FHIP1A: variants seen among roughly 807,000 people sequenced by gnomAD.
FHIP1A encodes FHF complex subunit HOOK interacting protein 1A, also known as FHF complex subunit HOOK-interacting protein 1A.
Under a neutral mutation model 88.6 loss-of-function variants are expected in FHIP1A, and 61 were observed. The observed-to-expected ratio is 0.69, with a 90% CI of 0.56 to 0.85. FHIP1A has a LOEUF of 0.85. Ranked by LOEUF, FHIP1A falls within the 40% of genes least tolerant of loss-of-function variation. The pLI is 0.00. For missense variants in FHIP1A, 1,154 were observed against 1,273.5 expected, an observed-to-expected ratio of 0.91 and a Z score of 1.43; for synonymous variants, 478 against 496.0, an observed-to-expected ratio of 0.96 and a Z score of 0.48.
intron 1 of FHIP1A, among the ~76,000 whole-genome samples, chr4:151,434,427 A>G (rs899313379): frequency 6.6e-6 from 1 of 152,170 alleles, no homozygotes; most frequent in African/African-American, 2.4e-5. Context: ...TTTCTTTTCT[A>G]TGAAACTTTT....
chr4:151,601,697 G>A (rs1052846669), intron 7 of FHIP1A, among the ~76,000 whole-genome samples: 4 of 151,288 alleles, frequency 2.6e-5, no homozygotes, highest in African/African-American at 9.7e-5. Context: ...GGTGTGCAGT[G>A]GAAGAGCATT....
Position 151,447,083 on chromosome 4 carries a change from G to A in FHIP1A, c.-355-7618G>A, listed in dbSNP as rs376641632. On this transcript the variant is annotated intron_variant, in intron 1 of 13. Transcript: ENST00000435205. ...ACCTAAGGGATATTTTCTGTTAAGT[G>A]GTGATATTTCTATGGGTAAAAACTT... 1.1e-4 allele frequency among the ~76,000 whole-genome samples: 17 copies of A among 152,274 alleles called. No homozygotes were observed. The East Asian group carries it at 2.1e-3, about 19-fold the overall frequency.
chr4:151,561,438 A>G (rs1192084203), intron 3 of FHIP1A, among the ~76,000 whole-genome samples: 1 of 152,172 alleles, frequency 6.6e-6, no homozygotes, highest in South Asian at 2.1e-4. Flanking sequence ...AGAAGATTAG[A>G]GCACAGGGAG....
At chr4:151,505,673 A>T (rs1226096437) in intron 3 of FHIP1A, among the ~76,000 whole-genome samples, 1 of 152,214 alleles carries the variant, frequency 6.6e-6, no homozygotes, top group East Asian at 1.9e-4. Flanking sequence ...CTTTATCAAA[A>T]GCTTAGTTTT....
chr4:151,641,001 A>G (rs1736567166), intron 9 of FHIP1A, among the ~76,000 whole-genome samples: 1 of 152,080 alleles, frequency 6.6e-6, no homozygotes, highest in Non-Finnish European at 1.5e-5. Context: ...GAGGATAAAT[A>G]TACCAGGAAA....
intron 1 of FHIP1A, among the ~76,000 whole-genome samples, chr4:151,430,040 C>G (rs1458918389): frequency 1.3e-5 from 2 of 152,094 alleles, no homozygotes; most frequent in African/African-American, 4.8e-5. Context: ...CATTGGTGGG[C>G]ATTTTTATAA....
chr4:151,613,643 TG>T (rs749246435), intron 7 of FHIP1A, among the ~76,000 whole-genome samples: 11 of 152,228 alleles, frequency 7.2e-5, no homozygotes, highest in Non-Finnish European at 1.5e-4. Context: ...CCTTAGCACC[TG>T]TGTAGTGTAG....
Position 151,656,124 on chromosome 4 carries a change from G to C in FHIP1A, c.2552-108G>C, listed in dbSNP as rs1267227067. On this transcript the variant is annotated intron_variant, in intron 11 of 13. Transcript: ENST00000435205. This position sits in a 1 kb window ranked among gnomAD's most constrained non-coding sequence, Gnocchi z 4.2. The stretch of plus-strand genomic sequence containing the variant: ...TATTTGCTGTGTCTGGCTTGCACCT[G>C]TGGGCCCATGGTGGTTTGGGAGATG... The C allele has an allele frequency of 3.5e-6, 3 of 853,716 alleles. No individual in the cohort carries two copies. The highest frequency in any genetic ancestry group is 5.4e-6 in the Non-Finnish European group (3 of 550,660). The allele number at this position is 853,716 out of a possible 1,614,324, so 52.9% of individuals were successfully genotyped here. A position where few individuals can be genotyped will look rare whatever the true frequency, so the allele number is the denominator to read the frequency against.
chr4:151,421,657 C>T (rs1473573307), intron 1 of FHIP1A, among the ~76,000 whole-genome samples: 2 of 150,850 alleles, frequency 1.3e-5, no homozygotes, highest in African/African-American at 4.8e-5. Context: ...AACCTGGAAC[C>T]CTTCCCTCCC....
At chr4:151,473,559 A>G (rs1729600625) in intron 2 of FHIP1A, among the ~76,000 whole-genome samples, 2 of 152,172 alleles carry the variant, frequency 1.3e-5, no homozygotes, top group South Asian at 4.1e-4. Flanking sequence ...TAGTGCTAGA[A>G]TATAATATTC....
chr4:151,652,361 A>G lies in FHIP1A; in HGVS notation c.2551+1769A>G, dbSNP rs143064349. 1.1e-3 allele frequency among the ~76,000 whole-genome samples: 161 copies of G among 152,324 alleles called. 2 individuals carry two copies. In the East Asian group the frequency reaches 0.028, roughly 27 times the overall value. ...CTCTTTCCATGTATGTGTGCTTTAT[A>G]GTTTCCAAACTTCTGAGTGTGTTCT... On this transcript the variant is annotated intron_variant, in intron 11 of 13. Coordinates refer to ENST00000435205, the MANE Select transcript of FHIP1A (RefSeq NM_001109977.3).
chr4:151,604,889 A>G (rs986562394), intron 7 of FHIP1A, among the ~76,000 whole-genome samples: 2 of 152,016 alleles, frequency 1.3e-5, no homozygotes, highest in African/African-American at 4.8e-5. Flanking sequence ...ATAAATAAAA[A>G]TGAGTTTTTG....
chr4:151,438,472 T>G (rs910032834), intron 1 of FHIP1A, among the ~76,000 whole-genome samples: 5 of 151,818 alleles, frequency 3.3e-5, no homozygotes, highest in South Asian at 2.1e-4. Context: ...TCCCTTTCCC[T>G]CATCTGAAAA....
At chr4:151,548,436 A>G (rs1198355233) in intron 3 of FHIP1A, among the ~76,000 whole-genome samples, 3 of 152,180 alleles carry the variant, frequency 2.0e-5, no homozygotes, top group Non-Finnish European at 4.4e-5. Context: ...ACAGGATAAG[A>G]TAGGAGGTCA....
intron 7 of FHIP1A, among the ~76,000 whole-genome samples, chr4:151,590,746 C>T (rs1354515228): frequency 6.6e-6 from 1 of 152,196 alleles, no homozygotes; most frequent in Non-Finnish European, 1.5e-5. Flanking sequence ...TAATTGCTAA[C>T]ATTTGATCTA....
chr4:151,518,126 T>G (rs902287019), intron 3 of FHIP1A, among the ~76,000 whole-genome samples: 7 of 152,244 alleles, frequency 4.6e-5, no homozygotes, highest in Non-Finnish European at 1.0e-4. Flanking sequence ...CTTTCAGTCC[T>G]GCAAGCTCTA....
At chr4:151,535,843 T>G (rs1444871510) in intron 3 of FHIP1A, among the ~76,000 whole-genome samples, 1 of 152,246 alleles carries the variant, frequency 6.6e-6, no homozygotes, top group African/African-American at 2.4e-5. Flanking sequence ...AGGTAGAACT[T>G]CATAGTGTGT....
intron 1 of FHIP1A, among the ~76,000 whole-genome samples, chr4:151,453,992 C>T (rs1280624145): frequency 6.6e-6 from 1 of 152,110 alleles, no homozygotes; most frequent in African/African-American, 2.4e-5. Flanking sequence ...CCTTATGGGA[C>T]ACTTTTTAAA....
chr4:151,474,580 C>T (rs903125365), intron 2 of FHIP1A, among the ~76,000 whole-genome samples: 2 of 152,342 alleles, frequency 1.3e-5, no homozygotes, highest in African/African-American at 2.4e-5. Flanking sequence ...GAAGATTCTT[C>T]AGCTTTGGAA....
Sources: gnomAD v4.1 joint callset for allele counts (sites outside exome capture counted in the v4.1 genomes callset) on GRCh38, gnomAD v4.1.1 for gene constraint, Gnocchi (gnomAD v3.1) non-coding constraint, MANE v1.5 for transcripts, NCBI Gene and HGNC (gene_info 2026-07-23, HGNC 2026-07-21) for gene names.